The following KCNH8 variants were observed in gnomAD, a reference collection of about 807,000 sequenced individuals.
KCNH8 encodes potassium voltage-gated channel subfamily H member 8.
In KCNH8, 70 loss-of-function variants were observed where a neutral mutation model predicts 103.6. That is an observed-to-expected ratio of 0.68 (90% confidence interval 0.56 to 0.82). The LOEUF (loss-of-function observed/expected upper bound fraction) is 0.82, where lower values mean the gene tolerates loss of function less well. Ranked by LOEUF, KCNH8 falls within the 40% of genes least tolerant of loss-of-function variation. The pLI is 0.00. For synonymous variants in KCNH8, 498 were observed against 489.4 expected, an observed-to-expected ratio of 1.02 and a Z score of -0.23; for missense variants, 1,217 against 1,329.9, an observed-to-expected ratio of 0.92 and a Z score of 1.32.
At chr3:19,499,844 A>T (rs527408823) in intron 11 of KCNH8, among the ~76,000 whole-genome samples, 20 of 152,330 alleles carry the variant, frequency 1.3e-4, no homozygotes, top group African/African-American at 4.8e-4. Context: ...CATGCCAAAA[A>T]GTAAAGACCA....
chr3:19,375,182 A>C (rs1280470152), intron 5 of KCNH8, among the ~76,000 whole-genome samples: 2 of 151,960 alleles, frequency 1.3e-5, no homozygotes, highest in Non-Finnish European at 2.9e-5. Context: ...GTTCTCCTGG[A>C]TAATATCCTG....
intron 1 of KCNH8, among the ~76,000 whole-genome samples, chr3:19,169,370 T>C (rs190971864): frequency 2.5e-4 from 38 of 150,728 alleles, no homozygotes; most frequent in Admixed American, 2.1e-3. Flanking sequence ...GCCATTCTCC[T>C]GCTTCAGCCT....
At chr3:19,499,058 T>C (rs566569479) in intron 11 of KCNH8, among the ~76,000 whole-genome samples, 14 of 152,206 alleles carry the variant, frequency 9.2e-5, no homozygotes, top group African/African-American at 3.1e-4. Context: ...TTTAGAAGAA[T>C]GTATAACTAG....
At chr3:19,392,318 C>CAAAAAAAAA (rs10662694) in intron 6 of KCNH8, among the ~76,000 whole-genome samples, 1 of 125,418 alleles carries the variant, frequency 8.0e-6, no homozygotes, top group Non-Finnish European at 1.7e-5. Context: ...ACATCTGTGT[C>CAAAAAAAAA]AAAAAAAAAA....
chr3:19,275,825 A>T (rs1279563779), intron 2 of KCNH8, among the ~76,000 whole-genome samples: 1 of 151,820 alleles, frequency 6.6e-6, no homozygotes, highest in Non-Finnish European at 1.5e-5. Context: ...TTCCATATTG[A>T]TTAGAGTCTG....
chr3:19,226,066 T>C (rs574307640), intron 1 of KCNH8, among the ~76,000 whole-genome samples: 33 of 152,344 alleles, frequency 2.2e-4, no homozygotes, highest in African/African-American at 7.9e-4. Context: ...CATATGGGGC[T>C]TCCCCCAGTC....
At position 19,380,098 on chromosome 3, in the gene KCNH8, A is replaced by G. The variant is rs928647482; in HGVS notation, c.812-10383A>G. Among the ~76,000 whole-genome samples, 9 of 152,318 alleles carry G rather than the reference A, an allele frequency of 5.9e-5. No individual in the cohort carries two copies. The East Asian group carries it at 1.3e-3, about 23-fold the overall frequency. On this transcript the variant is annotated intron_variant, in intron 5 of 15. Transcript: ENST00000328405. ...AGACACACAGCATTGGTAAGTTTTG[A>G]GAGTTATATTTTGCTGCCTCTGGAA...
At chr3:19,336,564 A>C (rs2065588211) in intron 3 of KCNH8, among the ~76,000 whole-genome samples, 1 of 151,906 alleles carries the variant, frequency 6.6e-6, no homozygotes, top group South Asian at 2.1e-4. Flanking sequence ...CATTAATAAC[A>C]TGTAAATCAA....
intron 5 of KCNH8, among the ~76,000 whole-genome samples, chr3:19,388,778 T>C (rs1364699623): frequency 6.6e-6 from 1 of 152,082 alleles, no homozygotes; most frequent in Admixed American, 6.6e-5. Flanking sequence ...AAACCCAAAG[T>C]CCTGAACTGG....
intron 11 of KCNH8, among the ~76,000 whole-genome samples, chr3:19,457,895 A>G (rs2125189582): frequency 6.6e-6 from 1 of 152,168 alleles, no homozygotes; most frequent in South Asian, 2.1e-4. Context: ...GACAGTAAGT[A>G]TGTAGATAAT....
intron 1 of KCNH8, among the ~76,000 whole-genome samples, chr3:19,174,760 T>TA (rs2063381335): frequency 6.6e-6 from 1 of 152,200 alleles, no homozygotes. Context: ...ATATGACTGT[T>TA]AAAGTCTGGA....
chr3:19,344,260 A>G (rs2065700541), intron 4 of KCNH8, among the ~76,000 whole-genome samples: 1 of 152,050 alleles, frequency 6.6e-6, no homozygotes, highest in African/African-American at 2.4e-5. Context: ...AATATTATCC[A>G]CAGATTCTGT....
intron 3 of KCNH8, among the ~76,000 whole-genome samples, chr3:19,305,930 G>A (rs535472296): frequency 6.6e-6 from 1 of 152,004 alleles, no homozygotes; most frequent in African/African-American, 2.4e-5. Context: ...AAACGAATTG[G>A]TAATGCCTTG....
intron 6 of KCNH8, among the ~76,000 whole-genome samples, chr3:19,393,503 T>C (rs941742835): frequency 5.9e-5 from 9 of 152,066 alleles, no homozygotes; most frequent in Non-Finnish European, 1.0e-4. Flanking sequence ...ATCAAAATTA[T>C]GTGTGCAGAT....
At chr3:19,468,117 T>G (rs2067781183) in intron 11 of KCNH8, among the ~76,000 whole-genome samples, 1 of 152,240 alleles carries the variant, frequency 6.6e-6, no homozygotes, top group African/African-American at 2.4e-5. Context: ...TTCATGGCAT[T>G]TAGCAGGATC....
intron 3 of KCNH8, among the ~76,000 whole-genome samples, chr3:19,336,490 G>T (rs1031772947): frequency 1.3e-5 from 2 of 151,622 alleles, no homozygotes; most frequent in Non-Finnish European, 3.0e-5. Flanking sequence ...TCTTTCTTTG[G>T]TAGATACCAT....
intron 8 of KCNH8, among the ~76,000 whole-genome samples, chr3:19,441,323 A>C (rs1402400427): frequency 6.6e-6 from 1 of 152,166 alleles, no homozygotes; most frequent in African/African-American, 2.4e-5. Context: ...TGCTATGTCC[A>C]TGTTACCTCT....
chr3:19,253,824 A>T lies in KCNH8; in HGVS notation c.247A>T (p.Ile83Leu), dbSNP rs746992706. The change falls in exon 2 of 16, where the codon ATA (isoleucine) becomes TTA (leucine). Residue 83 changes from isoleucine to leucine, a missense_variant. Ile to Leu is a conservative substitution (Grantham distance 5). Transcript: ENST00000328405. Reference protein sequence around the residue: ...VETNEQLMLQIEKSLEEKTEF... With the variant: ...VETNEQLMLQLEKSLEEKTEF... ...AACCAATGAGCAACTGATGCTTCAAATAGAAAAGTCACTGGAGGAGAAAAC... is the reference window on the plus strand; with the variant it reads ...AACCAATGAGCAACTGATGCTTCAATTAGAAAAGTCACTGGAGGAGAAAAC... The T allele has an allele frequency of 6.2e-7, 1 of 1,613,910 alleles. No homozygotes were observed. The highest frequency in any genetic ancestry group is 8.5e-7 in the Non-Finnish European group (1 of 1,179,884).
At chr3:19,182,646 A>G (rs1444752506) in intron 1 of KCNH8, among the ~76,000 whole-genome samples, 1 of 152,222 alleles carries the variant, frequency 6.6e-6, no homozygotes, top group Non-Finnish European at 1.5e-5. Flanking sequence ...TAGCACAATG[A>G]AAAGACAAAT....
Sources: allele counts gnomAD v4.1 joint callset (sites outside exome capture counted in the v4.1 genomes callset), GRCh38; gene constraint gnomAD v4.1.1; transcripts MANE v1.5; gene names NCBI Gene and HGNC (gene_info 2026-07-23, HGNC 2026-07-21).